Variants in FGF13 observed in about 807,000 individuals in gnomAD.
FGF13 encodes the protein fibroblast growth factor 13, also known as fibroblast growth factor homologous factor 2.
In FGF13, 2 loss-of-function variants were observed where a neutral mutation model predicts 19.5. The ratio of observed to expected loss-of-function variants is 0.10; its 90% confidence interval spans 0.04 to 0.32. The LOEUF is 0.32. Ranked by LOEUF, FGF13 falls within the 10% of genes least tolerant of loss-of-function variation. The pLI, the probability that FGF13 is intolerant of heterozygous loss-of-function variation, is 1.00. For missense variants in FGF13, 113 were observed against 192.7 expected (o/e 0.59, Z 2.45); for synonymous variants, 72 against 76.9 (o/e 0.94, Z 0.33).
rs1417967219 is a variant in FGF13 at position 138,628,914 on chromosome X, G to A, written c.*3936C>T. The A allele has an allele frequency of 8.9e-6, 1 of 111,946 alleles. No homozygotes were observed. Among genetic ancestry groups the A allele is most frequent in the Non-Finnish European group, 1.9e-5 (1 of 53,237 alleles). 9.2% of individuals were successfully genotyped at this position (111,946 alleles called of 1,213,427 possible). A position where few individuals can be genotyped will look rare whatever the true frequency, so the allele number is the denominator to read the frequency against. On this transcript the variant is annotated 3_prime_UTR_variant, in exon 5 of 5. Transcript: ENST00000315930. ...AACAAAACTCCTGGGAGGGGGAATT[G>A]GAGCCTGTTTTGCTTTTAAAAAGTT...
chrX:138,712,994 C>A (rs990099461), upstream of FGF13, among the ~76,000 whole-genome samples: 2 of 112,352 alleles, frequency 1.8e-5, no homozygotes, highest in Admixed American at 1.9e-4. Flanking sequence ...GCTGTTGCTA[C>A]CCCTCCTTCC....
chrX:139,053,003 C>T (rs1183752598), intron 1 of FGF13, among the ~76,000 whole-genome samples: 2 of 104,964 alleles, frequency 1.9e-5, no homozygotes, highest in African/African-American at 7.0e-5. Flanking sequence ...TCCCTTGCCC[C>T]CCTCCCACCC....
intron 3 of FGF13, among the ~76,000 whole-genome samples, chrX:138,761,384 C>G (rs891094654): frequency 9.0e-6 from 1 of 111,236 alleles, no homozygotes; most frequent in Non-Finnish European, 1.9e-5. Flanking sequence ...GTACTGCTCT[C>G]CCGGAGCTCT....
At chrX:139,115,042 A>G (rs1371192959) in intron 1 of FGF13, among the ~76,000 whole-genome samples, 1 of 111,709 alleles carries the variant, frequency 9.0e-6, no homozygotes, top group African/African-American at 3.3e-5. Flanking sequence ...TTTTATGAAA[A>G]CCTGGGGTTG....
intron 1 of FGF13, among the ~76,000 whole-genome samples, chrX:138,927,515 C>T (rs1329504037): frequency 2.7e-5 from 3 of 112,197 alleles, no homozygotes; most frequent in East Asian, 2.8e-4. Flanking sequence ...ACTGGCCCTT[C>T]GCTTCTCAAT....
At chrX:138,878,477 G>C (rs1354677589) in intron 1 of FGF13, among the ~76,000 whole-genome samples, 1 of 108,504 alleles carries the variant, frequency 9.2e-6, no homozygotes, top group Non-Finnish European at 1.9e-5. Flanking sequence ...CAAAGGACAT[G>C]AACTCATCAT....
At chrX:138,908,220 G>A (rs892811862) in intron 1 of FGF13, among the ~76,000 whole-genome samples, 68 of 106,849 alleles carry the variant, frequency 6.4e-4, no homozygotes, top group Non-Finnish European at 1.0e-3. Flanking sequence ...ACAGGCACCC[G>A]CCACTGCGCC....
chrX:139,048,404 T>A (rs1345947802), intron 1 of FGF13, among the ~76,000 whole-genome samples: 4 of 111,029 alleles, frequency 3.6e-5, no homozygotes, highest in African/African-American at 1.3e-4. Context: ...TCACTTTTCT[T>A]TTTTCCTAAG....
At chrX:139,147,834 T>C (rs1287800576) in intron 1 of FGF13, among the ~76,000 whole-genome samples, 1 of 110,409 alleles carries the variant, frequency 9.1e-6, no homozygotes, top group Non-Finnish European at 1.9e-5. Context: ...TTAATTTGAT[T>C]ACTAGGTTCT....
intron 1 of FGF13, among the ~76,000 whole-genome samples, chrX:139,193,079 C>T (rs6634044): frequency 9.1e-6 from 1 of 110,479 alleles, no homozygotes; most frequent in Non-Finnish European, 1.9e-5. Flanking sequence ...ACTGAAATCA[C>T]TTAAGTTGGG....
chrX:138,929,102 G>A (rs2091687864), intron 1 of FGF13, among the ~76,000 whole-genome samples: 1 of 112,025 alleles, frequency 8.9e-6, no homozygotes, highest in Admixed American at 9.5e-5. Context: ...ATGGACAACT[G>A]ACCAAAGCTG....
intron 1 of FGF13, among the ~76,000 whole-genome samples, chrX:139,075,192 C>A (rs1312428580): frequency 8.9e-6 from 1 of 111,748 alleles, no homozygotes; most frequent in African/African-American, 3.3e-5. Context: ...CCCAGGGATT[C>A]ATCCCCGCCC....
At chrX:138,667,158 TA>T (rs1423377460) in intron 3 of FGF13, among the ~76,000 whole-genome samples, 2 of 107,600 alleles carry the variant, frequency 1.9e-5, no homozygotes, top group Admixed American at 2.0e-4. Context: ...TACATATATA[TA>T]AAATACGTAT....
At chrX:138,910,000 C>T (rs1252233994) in intron 1 of FGF13, among the ~76,000 whole-genome samples, 2 of 110,939 alleles carry the variant, frequency 1.8e-5, no homozygotes, top group East Asian at 5.7e-4. Context: ...TCATGGAGTC[C>T]AGAGGCTGCT....
chrX:138,695,029 A>T (rs1284860126), intron 3 of FGF13, among the ~76,000 whole-genome samples: 1 of 101,072 alleles, frequency 9.9e-6, no homozygotes, highest in Non-Finnish European at 2.0e-5. Flanking sequence ...ACACACACAC[A>T]CACAAACCCA....
intron 1 of FGF13, among the ~76,000 whole-genome samples, chrX:138,972,579 G>C (rs1028559937): frequency 1.8e-5 from 2 of 110,043 alleles, no homozygotes; most frequent in African/African-American, 3.3e-5. Flanking sequence ...GGATGGTCTC[G>C]ATCTCCTGAC....
At chrX:138,948,850 T>C (rs772714280) in intron 1 of FGF13, among the ~76,000 whole-genome samples, 18 of 112,079 alleles carry the variant, frequency 1.6e-4, no homozygotes, top group African/African-American at 5.8e-4. Context: ...TACCTATCTA[T>C]GCTCCCTCCA....
chrX:138,950,707 T>C (rs991612794), intron 1 of FGF13, among the ~76,000 whole-genome samples: 4 of 112,140 alleles, frequency 3.6e-5, no homozygotes, highest in African/African-American at 1.3e-4. Flanking sequence ...GGGAGTTTTA[T>C]AATCATATCT....
chrX:138,702,058 G>T (rs1271121451), intron 3 of FGF13, among the ~76,000 whole-genome samples: 1 of 111,669 alleles, frequency 9.0e-6, no homozygotes, highest in Non-Finnish European at 1.9e-5. Flanking sequence ...CATGGCAGGC[G>T]GATCATTCGA....
Sources: allele counts gnomAD v4.1 joint callset (sites outside exome capture counted in the v4.1 genomes callset), GRCh38; gene constraint gnomAD v4.1.1; transcripts MANE v1.5; gene names NCBI Gene and HGNC (gene_info 2026-07-23, HGNC 2026-07-21).